Variants in ATXN1 observed in about 807,000 individuals in gnomAD.
The protein encoded by ATXN1 is ataxin 1.
A neutral mutation model predicts 56.4 loss-of-function variants in ATXN1; 8 were observed. The ratio of observed to expected loss-of-function variants is 0.14; its 90% confidence interval spans 0.08 to 0.26. ATXN1 has a LOEUF of 0.26. Ranked by LOEUF, ATXN1 falls within the 10% of genes least tolerant of loss-of-function variation. The pLI is 1.00. For synonymous variants in ATXN1, 514 were observed against 494.6 expected (o/e 1.04, Z -0.52); for missense variants, 987 against 1,106.5 (o/e 0.89, Z 1.53).
At chr6:16,568,877 T>A (rs922411758) in intron 4 of ATXN1, among the ~76,000 whole-genome samples, 9 of 152,186 alleles carry the variant, frequency 5.9e-5, no homozygotes, top group African/African-American at 2.2e-4. Context: ...GCAGATCTAA[T>A]CTTGAGAGAG....
At chr6:16,466,030 A>C (rs186630967) in intron 6 of ATXN1, among the ~76,000 whole-genome samples, 1 of 152,214 alleles carries the variant, frequency 6.6e-6, no homozygotes, top group Non-Finnish European at 1.5e-5. Context: ...AAAAGTACTA[A>C]ATGTGGCCAG....
chr6:16,453,607 T>C (rs1335703548), intron 6 of ATXN1, among the ~76,000 whole-genome samples: 1 of 152,078 alleles, frequency 6.6e-6, no homozygotes, highest in Non-Finnish European at 1.5e-5. Flanking sequence ...CATCATCATC[T>C]TCACCTGATA....
intron 6 of ATXN1, among the ~76,000 whole-genome samples, chr6:16,345,966 A>G (rs1001874561): frequency 4.6e-5 from 7 of 151,980 alleles, no homozygotes; most frequent in Non-Finnish European, 1.0e-4. Flanking sequence ...AAAAAAATTG[A>G]CACTCCCTGG....
chr6:16,498,233 T>G (rs1336629097), intron 5 of ATXN1, among the ~76,000 whole-genome samples: 1 of 152,252 alleles, frequency 6.6e-6, no homozygotes, highest in African/African-American at 2.4e-5. Flanking sequence ...ATAAACTGAA[T>G]CATACAATAT....
At chr6:16,342,073 G>T (rs1161905848) in intron 6 of ATXN1, among the ~76,000 whole-genome samples, 3 of 151,352 alleles carry the variant, frequency 2.0e-5, no homozygotes, top group African/African-American at 7.3e-5. Flanking sequence ...TGGTAGAGAC[G>T]GGGTTTTACC....
chr6:16,326,404 T>C lies in ATXN1; in HGVS notation c.1907A>G (p.His636Arg), dbSNP rs1760805958. Reference sequence around the variant, plus strand: ...CCTGGCTAACGTTACCTGGGCTCGGTGCTCCCCGACGGCGAACTGTATCAC... The same window carrying C: ...CCTGGCTAACGTTACCTGGGCTCGGCGCTCCCCGACGGCGAACTGTATCAC... The part of the protein sequence containing the change: ...VAVIQFAVGE[H>R]RAQVSVEVLV... The change falls in exon 7 of 8, where the codon CAC becomes CGC. Residue 636 changes from histidine (H) to arginine (R), a missense_variant. Around this residue, in one of 3 missense-constraint regions of ATXN1, gnomAD observed 68 missense variants for 118.1 expected, o/e 0.58. Transcript: ENST00000436367. The surrounding 1 kb of genome is among the most constrained non-coding windows in gnomAD (Gnocchi z 6.6). 5.0e-6 allele frequency: 8 copies of C among 1,613,394 alleles called. No individual in the cohort carries two copies. Among genetic ancestry groups the C allele is most frequent in the Non-Finnish European group, 6.8e-6 (8 of 1,179,624 alleles).
intron 6 of ATXN1, among the ~76,000 whole-genome samples, chr6:16,470,789 T>G (rs1760201634): frequency 6.6e-6 from 1 of 151,902 alleles, no homozygotes. Flanking sequence ...GGCCAGGGAG[T>G]GTGAGTCCAG....
At chr6:16,422,301 G>C (rs1759053056) in intron 6 of ATXN1, among the ~76,000 whole-genome samples, 1 of 152,168 alleles carries the variant, frequency 6.6e-6, no homozygotes, top group Admixed American at 6.5e-5. Context: ...GCGCAGGTGA[G>C]GGAGAGGAAG....
intron 3 of ATXN1, among the ~76,000 whole-genome samples, chr6:16,593,879 A>G (rs1762767654): frequency 1.4e-5 from 2 of 146,740 alleles, no homozygotes. Context: ...ATATATATAT[A>G]TAAAGGTTCT....
At chr6:16,467,595 C>G (rs1337214734) in intron 6 of ATXN1, among the ~76,000 whole-genome samples, 1 of 152,212 alleles carries the variant, frequency 6.6e-6, no homozygotes, top group Non-Finnish European at 1.5e-5. Flanking sequence ...AACAATTTCA[C>G]CTTGAAATCT....
intron 3 of ATXN1, among the ~76,000 whole-genome samples, chr6:16,647,719 A>G (rs1763824157): frequency 6.6e-6 from 1 of 152,266 alleles, no homozygotes. Context: ...TTCACAATAT[A>G]TATGTATATC....
rs995926864 is a variant in ATXN1, at chr6:16,304,558, A to G, written c.*1771T>C. Reference sequence around the variant, plus strand: ...TGGAAAACTCTCTCAATGAATCTGAAGAAAATTCTCAGAGTTTCTAAGAGC... The same window carrying G: ...TGGAAAACTCTCTCAATGAATCTGAGGAAAATTCTCAGAGTTTCTAAGAGC... On this transcript the variant is annotated 3_prime_UTR_variant, in exon 8 of 8. Transcript: ENST00000436367. The G allele has an allele frequency of 4.6e-5, 7 of 152,640 alleles. No individual in the cohort carries two copies. Among genetic ancestry groups the G allele is most frequent in the African/African-American group, 1.7e-4 (7 of 41,460 alleles). 9.5% of individuals were successfully genotyped at this position (152,640 alleles called of 1,614,324 possible).
intron 7 of ATXN1, among the ~76,000 whole-genome samples, chr6:16,320,882 G>A (rs531268933): frequency 6.6e-6 from 1 of 152,336 alleles, no homozygotes; most frequent in South Asian, 2.1e-4. Context: ...TCCACCCCGA[G>A]GATTACAGGC....
intron 4 of ATXN1, among the ~76,000 whole-genome samples, chr6:16,561,653 A>G (rs961103290): frequency 3.3e-5 from 5 of 152,244 alleles, no homozygotes; most frequent in African/African-American, 1.2e-4. Flanking sequence ...TGTGGACCAA[A>G]AAAAAGATAA....
chr6:16,416,546 T>C (rs1401428431), intron 6 of ATXN1, among the ~76,000 whole-genome samples: 2 of 152,246 alleles, frequency 1.3e-5, no homozygotes, highest in Non-Finnish European at 1.5e-5. Flanking sequence ...GTACTAAGTA[T>C]AGTCCCTGGC....
At chr6:16,341,026 G>A (rs1234518469) in intron 6 of ATXN1, among the ~76,000 whole-genome samples, 3 of 152,232 alleles carry the variant, frequency 2.0e-5, no homozygotes, top group Non-Finnish European at 4.4e-5. Context: ...GAACACATCA[G>A]CTAACTTCCG....
intron 7 of ATXN1, among the ~76,000 whole-genome samples, chr6:16,318,184 AAT>A (rs1760559306): frequency 6.6e-6 from 1 of 152,246 alleles, no homozygotes; most frequent in Non-Finnish European, 1.5e-5. Context: ...CTGTTGTTTA[AAT>A]ATGTCTCCCA....
At chr6:16,709,607 A>G (rs554831706) in intron 2 of ATXN1, among the ~76,000 whole-genome samples, 10 of 152,316 alleles carry the variant, frequency 6.6e-5, no homozygotes, top group African/African-American at 2.4e-4. Context: ...TCCAAGCCCA[A>G]AGATTTCACT....
intron 6 of ATXN1, among the ~76,000 whole-genome samples, chr6:16,331,028 TCTCA>T (rs1760977971): frequency 6.6e-6 from 1 of 151,012 alleles, no homozygotes; most frequent in Non-Finnish European, 1.5e-5. Context: ...TGAGATGGAG[TCTCA>T]CTCTGTCGCC....
Sources: allele counts gnomAD v4.1 joint callset (sites outside exome capture counted in the v4.1 genomes callset), GRCh38; gene constraint gnomAD v4.1.1; regional missense constraint gnomAD v4.1.1; non-coding constraint Gnocchi (gnomAD v3.1); transcripts MANE v1.5; gene names NCBI Gene and HGNC (gene_info 2026-07-23, HGNC 2026-07-21).